ESRRA: variants seen among roughly 807,000 people sequenced by gnomAD.
ESRRA encodes the protein estrogen related receptor alpha, also known as steroid hormone receptor ERR1.
A neutral mutation model predicts 35.6 loss-of-function variants in ESRRA; 7 were observed. The observed-to-expected ratio is 0.20, with a 90% CI of 0.11 to 0.37. The LOEUF (loss-of-function observed/expected upper bound fraction) is 0.37. Among genes scored for constraint, ESRRA ranks in the 10% least tolerant of loss-of-function variants. The pLI, the probability that ESRRA is intolerant of heterozygous loss-of-function variation, is 1.00. For missense variants in ESRRA, 378 were observed against 561.7 expected, an observed-to-expected ratio of 0.67 and a Z score of 3.31; for synonymous variants, 223 against 246.9, an observed-to-expected ratio of 0.90 and a Z score of 0.91.
At position 64,315,809 on chromosome 11, in the gene ESRRA, G is replaced by T. The variant is rs1485502805; in HGVS notation, c.1115G>T (p.Gly372Val). Residue 372 changes from glycine (G) to valine (V), a missense_variant, in exon 7 of 7, where the codon GGT becomes GTT. This residue lies in a region of ESRRA where 284 missense variants were observed against 411.7 expected (regional missense o/e 0.69). Transcript: ENST00000000442. ...GCCGGCCGGGCTGGCCCCGGAGGGGGTGCTGAGCGGCGGCGGGCGGGCAGG... is the reference window on the plus strand; with the variant it reads ...GCCGGCCGGGCTGGCCCCGGAGGGGTTGCTGAGCGGCGGCGGGCGGGCAGG... ...YEAGRAGPGG[G>V]AERRRAGRLL... 2 of 1,612,526 alleles carry T rather than the reference G, an allele frequency of 1.2e-6. No homozygotes were observed. Among genetic ancestry groups the T allele is most frequent in the Admixed American group, 1.7e-5 (1 of 59,896 alleles).
chr11:64,305,820 G>T lies in ESRRA; in HGVS notation c.-13+84G>T. The T allele has an allele frequency of 6.6e-6, 1 of 152,170 alleles. No individual in the cohort carries two copies. Among genetic ancestry groups the T allele is most frequent in the South Asian group, 1.9e-4 (1 of 5,360 alleles). 9.4% of individuals were successfully genotyped at this position (152,170 alleles called of 1,614,324 possible). ...GTGCGAGCGCGGCAGGGAGGCGGGC[G>T]GGGCGGGCTGCAGGCGGGGTCCGAC... On this transcript the variant is annotated intron_variant, in intron 1 of 6. Transcript: ENST00000000442. This position sits in a 1 kb window ranked among gnomAD's most constrained non-coding sequence, Gnocchi z 5.8.
intron 2 of ESRRA, among the ~76,000 whole-genome samples, chr11:64,310,326 C>T (rs915289044): frequency 4.0e-5 from 6 of 151,352 alleles, no homozygotes; most frequent in Admixed American, 2.0e-4. Flanking sequence ...GCTCCGCCTC[C>T]CGGGTTCACA....
chr11:64,307,330 A>G lies in ESRRA; in HGVS notation c.151A>G (p.Lys51Glu). ...TCCCACTCGCTGCCTCCCAGGCCAC[A>G]AGGAAGAGGAGGATGGGGAGGGGGC... is the stretch of plus-strand genomic sequence containing the variant. ...PAPTRCLPGH[K>E]EEEDGEGAGP... is the part of the protein sequence containing the mutation. The change falls in exon 2 of 7, where the codon AAG becomes GAG. Residue 51 changes from lysine to glutamate, a missense_variant. Transcript: ENST00000000442. 6.2e-7 allele frequency: 1 copy of G among 1,612,854 alleles called. No homozygotes were observed. The highest frequency in any genetic ancestry group is 8.5e-7 in the Non-Finnish European group (1 of 1,179,706).
Position 64,313,864 on chromosome 11 carries a change from GC to G in ESRRA, c.326-84del. 1 of 884,306 alleles carries G rather than the reference GC, an allele frequency of 1.1e-6. No individual in the cohort carries two copies. The highest frequency in any genetic ancestry group is 1.7e-5 in the South Asian group (1 of 60,414). 54.8% of individuals were successfully genotyped at this position (884,306 alleles called of 1,614,324 possible). A position where few individuals can be genotyped will look rare whatever the true frequency, so the allele number is the denominator to read the frequency against. On this transcript the variant is annotated intron_variant, in intron 2 of 6. Coordinates refer to ENST00000000442, the MANE Select transcript of ESRRA (RefSeq NM_004451.5). The surrounding 1 kb of genome is among the most constrained non-coding windows in gnomAD (Gnocchi z 4.0). Reference sequence around the variant, plus strand: ...TCCCCATACCCCCAGACCTGTGCTTGCCCGGGGAGAGTCAGGGCTCTCCTGT... The same window carrying G: ...TCCCCATACCCCCAGACCTGTGCTTGCCGGGGAGAGTCAGGGCTCTCCTGT...
At position 64,305,759 on chromosome 11, in the gene ESRRA, T is replaced by C. The variant is rs2035018243; in HGVS notation, c.-13+23T>C. ...CAGGTCCGGGGGCGGAGGGGAGCGCTGCCGCGGGGGTGGGCGGGCGGGGCG... is the reference window on the plus strand; with the variant it reads ...CAGGTCCGGGGGCGGAGGGGAGCGCCGCCGCGGGGGTGGGCGGGCGGGGCG... On this transcript the variant is annotated intron_variant, in intron 1 of 6. Coordinates refer to ENST00000000442, the MANE Select transcript of ESRRA (RefSeq NM_004451.5). This position sits in a 1 kb window ranked among gnomAD's most constrained non-coding sequence, Gnocchi z 5.8. 9.1e-6 allele frequency: 1 copy of C among 110,444 alleles called. No homozygotes were observed. Among genetic ancestry groups the C allele is most frequent in the Non-Finnish European group, 1.9e-5 (1 of 51,760 alleles). The allele number at this position is 110,444 out of a possible 1,614,324, so 6.8% of individuals were successfully genotyped here.
chr11:64,314,502 C>G (rs1303345486), intron 4 of ESRRA, 135 bp downstream of exon 4: 1 of 1,181,728 alleles, frequency 8.5e-7, no homozygotes, highest in Non-Finnish European at 1.2e-6. Flanking sequence ...GTGAAACTGC[C>G]TTTTCCTGCA....
In ESRRA at chr11:64,314,213, C is replaced by T. The variant is rs372198831; in HGVS notation, c.443-26C>T. The T allele has an allele frequency of 1.9e-5, 30 of 1,597,240 alleles. No individual in the cohort carries two copies. The African/African-American group carries it at 3.5e-4, about 19-fold the overall frequency. ...CACCCTGCCCACAGCACCACAGTCA[C>T]AGTCCTATCTGTCCCACAATTCAAG... On this transcript the variant is annotated intron_variant, in intron 3 of 6. Transcript: ENST00000000442.
In ESRRA at chr11:64,316,554, C is replaced by G; in HGVS notation, c.*588C>G. The stretch of plus-strand genomic sequence containing the variant: ...GGGGTAGGAGAGCACTGCCTCTATG[C>G]CCTGCAGAGCAATAACACTATATTT... On this transcript the variant is annotated 3_prime_UTR_variant, in exon 7 of 7. Coordinates refer to ENST00000000442, the MANE Select transcript of ESRRA (RefSeq NM_004451.5). The G allele has an allele frequency of 6.3e-6, 2 of 317,356 alleles. No homozygotes were observed. Among genetic ancestry groups the G allele is most frequent in the South Asian group, 6.6e-5 (2 of 30,498 alleles). 19.7% of individuals were successfully genotyped at this position (317,356 alleles called of 1,614,324 possible).
chr11:64,314,697 G>A, intron 4 of ESRRA, 44 bp from the exon 5 acceptor site: 1 of 1,576,800 alleles, frequency 6.3e-7, no homozygotes, highest in Non-Finnish European at 8.6e-7. Flanking sequence ...CCTGAGGCCT[G>A]ACAGATTCGA....
Position 64,314,914 on chromosome 11 carries a change from A to G in ESRRA, c.742+3A>G. The G allele has an allele frequency of 6.2e-7, 1 of 1,611,852 alleles. No individual in the cohort carries two copies. Among genetic ancestry groups the G allele is most frequent in the Non-Finnish European group, 8.5e-7 (1 of 1,179,796 alleles). On this transcript the variant is annotated splice_donor_region_variant and intron_variant, in intron 5 of 6. Coordinates refer to ENST00000000442, the MANE Select transcript of ESRRA (RefSeq NM_004451.5). ...CAGCTGGGCCAAGAGCATCCCAGGT[A>G]AAGGGCCCAGGTGACCCGGGGCTGC... is the stretch of plus-strand genomic sequence containing the variant.
At chr11:64,315,512 A>T (rs1210682020) in intron 6 of ESRRA, among the ~76,000 whole-genome samples, 195 bp from the exon 7 acceptor site, 2 of 152,206 alleles carry the variant, frequency 1.3e-5, no homozygotes, top group African/African-American at 4.8e-5. Flanking sequence ...GGGAGGGTAC[A>T]AGGTGGCCAC....
In ESRRA at chr11:64,307,432, G is replaced by A. The variant is rs1319034788; in HGVS notation, c.253G>A (p.Val85Met). 4 of 1,561,356 alleles carry A rather than the reference G, an allele frequency of 2.6e-6. No homozygotes were observed. The highest frequency in any genetic ancestry group is 1.9e-5 in the Admixed American group (1 of 53,824). ...GCGCCTCTGCCTGGTCTGTGGGGACGTGGCCTCCGGCTACCACTATGGTGT... is the reference window on the plus strand; with the variant it reads ...GCGCCTCTGCCTGGTCTGTGGGGACATGGCCTCCGGCTACCACTATGGTGT... ...PKRLCLVCGD[V>M]ASGYHYGVAS... is the part of the protein sequence containing the mutation. The change falls in exon 2 of 7, where the codon GTG (valine) becomes ATG (methionine). Residue 85 changes from valine to methionine, a missense_variant. Val to Met is a conservative substitution (Grantham distance 21, BLOSUM62 1). Transcript: ENST00000000442.
chr11:64,308,886 G>A (rs1355887776), intron 2 of ESRRA, among the ~76,000 whole-genome samples: 11 of 150,562 alleles, frequency 7.3e-5, no homozygotes, highest in East Asian at 3.9e-4. Context: ...AGGCCGAGAC[G>A]GGCGGATCAC....
intron 2 of ESRRA, among the ~76,000 whole-genome samples, chr11:64,308,277 G>A (rs1487360331): frequency 5.3e-5 from 8 of 152,168 alleles, no homozygotes; most frequent in African/African-American, 1.9e-4. Flanking sequence ...CACTTTGGGA[G>A]GCCAAGGTGG....
chr11:64,307,000 G>A (rs1490895596), intron 1 of ESRRA, among the ~76,000 whole-genome samples, 168 bp from the exon 2 acceptor site: 1 of 152,164 alleles, frequency 6.6e-6, no homozygotes, highest in Non-Finnish European at 1.5e-5. Context: ...CAGCTAGGAG[G>A]GGGCAGTGTT....
intron 4 of ESRRA, 124 bp from the exon 5 acceptor site, chr11:64,314,617 G>A: frequency 9.7e-7 from 1 of 1,027,812 alleles, no homozygotes. Context: ...CTCTTCCCTG[G>A]AGGGAAGTCA....
chr11:64,316,641 G>A lies in ESRRA; in HGVS notation c.*675G>A, dbSNP rs679730. ...GGCAAGCCAGGGCCCAGAGCCCTTG[G>A]CTGTACAGAGACTCTATTTTAATGT... On this transcript the variant is annotated 3_prime_UTR_variant, in exon 7 of 7. Transcript: ENST00000000442. The A allele has an allele frequency of 7.4e-6, 4 of 543,992 alleles. No individual in the cohort carries two copies. The African/African-American group carries it at 7.6e-5, about 10-fold the overall frequency. The allele number at this position is 543,992 out of a possible 1,614,324, so 33.7% of individuals were successfully genotyped here.
Position 64,313,105 on chromosome 11 carries a change from G to C in ESRRA, c.326-846G>C, listed in dbSNP as rs549082971. Among the ~76,000 whole-genome samples, 2 of 152,254 alleles carry C rather than the reference G, an allele frequency of 1.3e-5. No individual in the cohort carries two copies. Among genetic ancestry groups the C allele is most frequent in the East Asian group, 3.9e-4 (2 of 5,172 alleles). ...GCAGGGACAGCCAAGCGAGGGGCGA[G>C]GTGACAGTGACTATCAGGTCAAGGG... On this transcript the variant is annotated intron_variant, in intron 2 of 6. Transcript: ENST00000000442. This position sits in a 1 kb window ranked among gnomAD's most constrained non-coding sequence, Gnocchi z 4.0.
chr11:64,313,861 C>A lies in ESRRA; in HGVS notation c.326-90C>A. On this transcript the variant is annotated intron_variant, in intron 2 of 6. Transcript: ENST00000000442. This position sits in a 1 kb window ranked among gnomAD's most constrained non-coding sequence, Gnocchi z 4.0. ...TCCTCCCCATACCCCCAGACCTGTGCTTGCCCGGGGAGAGTCAGGGCTCTC... is the reference window on the plus strand; with the variant it reads ...TCCTCCCCATACCCCCAGACCTGTGATTGCCCGGGGAGAGTCAGGGCTCTC... 1 of 864,850 alleles carries A rather than the reference C, an allele frequency of 1.2e-6. No homozygotes were observed. The highest frequency in any genetic ancestry group is 1.8e-6 in the Non-Finnish European group (1 of 553,376). The allele number at this position is 864,850 out of a possible 1,614,324, so 53.6% of individuals were successfully genotyped here.
Sources: allele counts gnomAD v4.1 joint callset (sites outside exome capture counted in the v4.1 genomes callset), GRCh38; gene constraint gnomAD v4.1.1; regional missense constraint gnomAD v4.1.1; non-coding constraint Gnocchi (gnomAD v3.1); transcripts MANE v1.5; gene names NCBI Gene and HGNC (gene_info 2026-07-23, HGNC 2026-07-21).